GRHL3: variants seen among roughly 807,000 people sequenced by gnomAD.
The protein encoded by GRHL3 is grainyhead like transcription factor 3, also known as grainyhead-like protein 3 homolog.
A neutral mutation model predicts 70.3 loss-of-function variants in GRHL3; 20 were observed. The observed-to-expected ratio is 0.28, with a 90% CI of 0.20 to 0.41. The LOEUF (loss-of-function observed/expected upper bound fraction) is 0.41. Among genes scored for constraint, GRHL3 ranks in the 10% least tolerant of loss-of-function variants. GRHL3 has a pLI of 1.00. For missense variants in GRHL3, 637 were observed against 762.3 expected, an observed-to-expected ratio of 0.84 and a Z score of 1.94; for synonymous variants, 299 against 299.9, an observed-to-expected ratio of 1.00 and a Z score of 0.03.
At chr1:24,364,098 C>A in intron 15 of GRHL3, 1 of 1,447,014 alleles carries the variant, frequency 6.9e-7, no homozygotes, top group Non-Finnish European at 9.1e-7. Context: ...CAACTCCATG[C>A]CTTTGTCCCT....
downstream of GRHL3, among the ~76,000 whole-genome samples, chr1:24,360,115 C>A (rs972906418): frequency 2.0e-5 from 3 of 152,164 alleles, no homozygotes; most frequent in African/African-American, 7.2e-5. Flanking sequence ...AATAACCTGG[C>A]CACACTAGAC....
chr1:24,358,640 G>A (rs377422598), downstream of GRHL3: 64 of 1,593,628 alleles, frequency 4.0e-5, no homozygotes, highest in Middle Eastern at 6.6e-4. Context: ...ACAGAGAGGC[G>A]GAGGCATTAA....
chr1:24,319,448 A>C lies in GRHL3; in HGVS notation c.-104A>C. ...ATCTCGACACCCAAACCTCAACATA[A>C]ATCAAACACTTTCCCGGGCAGAGAA... is the stretch of plus-strand genomic sequence containing the variant. On this transcript the variant is annotated 5_prime_UTR_variant, in exon 1 of 16. Transcript: ENST00000361548. 1 of 1,266,760 alleles carries C rather than the reference A, an allele frequency of 7.9e-7. No homozygotes were observed. The highest frequency in any genetic ancestry group is 1.2e-6 in the Non-Finnish European group (1 of 865,936). The allele number at this position is 1,266,760 out of a possible 1,614,324, so 78.5% of individuals were successfully genotyped here.
intron 7 of GRHL3, 149 bp downstream of exon 7, chr1:24,338,252 A>G (rs182073780): frequency 3.5e-6 from 2 of 577,010 alleles, no homozygotes; most frequent in Admixed American, 3.4e-5. Flanking sequence ...AAGGATTTGC[A>G]TCTGTTGACT....
chr1:24,330,791 C>A (rs1371241539), intron 1 of GRHL3, among the ~76,000 whole-genome samples: 4 of 152,198 alleles, frequency 2.6e-5, no homozygotes, highest in Non-Finnish European at 5.9e-5. Context: ...GCACCAGTAC[C>A]CGGGTCCTTC....
At chr1:24,328,285 T>C (rs1262754105) in intron 1 of GRHL3, among the ~76,000 whole-genome samples, 1 of 152,222 alleles carries the variant, frequency 6.6e-6, no homozygotes, top group Non-Finnish European at 1.5e-5. Context: ...TGTCACCTAT[T>C]TGAGTCTCAA....
chr1:24,324,185 G>C (rs1365765738), intron 1 of GRHL3, among the ~76,000 whole-genome samples: 1 of 152,178 alleles, frequency 6.6e-6, no homozygotes, highest in Non-Finnish European at 1.5e-5. Flanking sequence ...TAGCATGAAA[G>C]AAAAATTCCC....
rs1178199020 is a variant in GRHL3, at chr1:24,346,758, CTAGGTT to C, written c.1543+124_1543+129del. 42 of 746,186 alleles carry C rather than the reference CTAGGTT, an allele frequency of 5.6e-5. 1 individual carries two copies. The East Asian group carries it at 1.1e-3, about 20-fold the overall frequency. The allele number at this position is 746,186 out of a possible 1,614,324, so 46.2% of individuals were successfully genotyped here. Reference sequence around the variant, plus strand: ...CGAGGCGCTGCCTTACCCCTTGGAGCTAGGTTTAGGTTAAGACTTGGGGGTGGGGGT... The same window carrying C: ...CGAGGCGCTGCCTTACCCCTTGGAGCTAGGTTAAGACTTGGGGGTGGGGGT... On this transcript the variant is annotated intron_variant, in intron 13 of 15. Transcript: ENST00000361548.
rs939556073 is a variant in GRHL3, at chr1:24,354,578, C to G, written c.*90C>G. 1 of 795,928 alleles carries G rather than the reference C, an allele frequency of 1.3e-6. No homozygotes were observed. Among genetic ancestry groups the G allele is most frequent in the African/African-American group, 1.7e-5 (1 of 58,754 alleles). The allele number at this position is 795,928 out of a possible 1,614,324, so 49.3% of individuals were successfully genotyped here. ...CACACAACCTCTCCACATGCCTCAG[C>G]GCTGTTACTTGAATGCCTTCCCTGA... On this transcript the variant is annotated 3_prime_UTR_variant, in exon 16 of 16. Coordinates refer to ENST00000361548, the MANE Select transcript of GRHL3 (RefSeq NM_198173.3).
chr1:24,362,931 C>T lies in GRHL3; in HGVS notation c.1695-1254C>T, dbSNP rs539846430. Reference sequence around the variant, plus strand: ...TTACAGGGTGTAATCAACAACCTCTCCCCTTATAAATAAAAGCTGGCTTCT... The same window carrying T: ...TTACAGGGTGTAATCAACAACCTCTTCCCTTATAAATAAAAGCTGGCTTCT... On this transcript the variant is annotated intron_variant, in intron 15 of 15. Transcript: ENST00000350501. 3.3e-5 allele frequency among the ~76,000 whole-genome samples: 5 copies of T among 152,356 alleles called. No individual in the cohort carries two copies. In the South Asian group the frequency reaches 1.0e-3, roughly 32 times the overall value.
intron 1 of GRHL3, chr1:24,320,074 C>T (rs551882632): frequency 2.8e-4 from 46 of 161,870 alleles, no homozygotes; most frequent in African/African-American, 1.0e-3. Flanking sequence ...GTGGGCTTGA[C>T]CTAAGTTCAA....
In GRHL3 at chr1:24,321,051, T is replaced by C. The variant is rs571349588; in HGVS notation, c.17+1483T>C. On this transcript the variant is annotated intron_variant, in intron 1 of 15. Transcript: ENST00000361548. This position sits in a 1 kb window ranked among gnomAD's most constrained non-coding sequence, Gnocchi z 4.0. ...AATCAATGAGCATTCCCAAACCTCT[T>C]GCTATTTTTCCATACTTTGAACGCG... is the stretch of plus-strand genomic sequence containing the variant. Among the ~76,000 whole-genome samples the C allele has an allele frequency of 6.6e-6, 1 of 152,218 alleles. No homozygotes were observed. The highest frequency in any genetic ancestry group is 1.5e-5 in the Non-Finnish European group (1 of 68,044).
At chr1:24,339,319 A>T (rs1166747697) in intron 7 of GRHL3, among the ~76,000 whole-genome samples, 1 of 148,626 alleles carries the variant, frequency 6.7e-6, no homozygotes, top group Non-Finnish European at 1.5e-5. Flanking sequence ...TCTCTCACCC[A>T]GGCTAGAGTG....
At chr1:24,337,826 T>C (rs181041861) in intron 6 of GRHL3, 37 bp downstream of exon 6, 2 of 1,613,378 alleles carry the variant, frequency 1.2e-6, no homozygotes, top group African/African-American at 1.3e-5. Context: ...AGGGGTGGAA[T>C]GGGGCAAGAT....
chr1:24,361,061 G>C (rs775758927), intron 15 of GRHL3: 9 of 1,592,738 alleles, frequency 5.7e-6, no homozygotes, highest in Admixed American at 3.5e-5. Context: ...AGATAAAACG[G>C]GAAGATGTCA....
intron 1 of GRHL3, among the ~76,000 whole-genome samples, chr1:24,330,927 G>A (rs574228494): frequency 3.9e-5 from 6 of 152,282 alleles, no homozygotes; most frequent in East Asian, 1.9e-4. Context: ...GGGCTTCCTC[G>A]CCCTGGCTCT....
chr1:24,354,321 C>A, intron 15 of GRHL3, 53 bp from the exon 16 acceptor site: 1 of 1,274,918 alleles, frequency 7.8e-7, no homozygotes, highest in Non-Finnish European at 1.1e-6. Flanking sequence ...ACTCAGAAGG[C>A]CTGAAAACAG....
intron 11 of GRHL3, among the ~76,000 whole-genome samples, chr1:24,344,437 G>A (rs1285250572): frequency 2.1e-5 from 3 of 146,314 alleles, no homozygotes; most frequent in African/African-American, 7.6e-5. Context: ...GCTGCAGTGA[G>A]CTGTGATGGT....
chr1:24,336,628 C>T lies in GRHL3; in HGVS notation c.413C>T (p.Ala138Val), dbSNP rs147738765. Residue 138 changes from alanine to valine, a missense_variant, in exon 4 of 16, where the codon GCC (alanine) becomes GTC (valine). Physicochemically the swap from Ala to Val is moderately conservative, Grantham distance 64. Coordinates refer to ENST00000361548, the MANE Select transcript of GRHL3 (RefSeq NM_198173.3). The stretch of plus-strand genomic sequence containing the variant: ...AATAACCTGATGAGCTTGGAGGGGG[C>T]CTTGCCCACCCCTGGCAAGGCAGCT... ...KKNNLMSLEGALPTPGKAAPL... is the reference protein window; with the variant it reads ...KKNNLMSLEGVLPTPGKAAPL... 3.8e-5 allele frequency: 61 copies of T among 1,614,116 alleles called. No individual in the cohort carries two copies. The African/African-American group carries it at 6.5e-4, about 17-fold the overall frequency.
Sources: allele counts gnomAD v4.1 joint callset (sites outside exome capture counted in the v4.1 genomes callset), GRCh38; gene constraint gnomAD v4.1.1; non-coding constraint Gnocchi (gnomAD v3.1); transcripts MANE v1.5; gene names NCBI Gene and HGNC (gene_info 2026-07-23, HGNC 2026-07-21).